Variants in RNF19A observed in about 807,000 individuals in gnomAD.
RNF19A encodes E3 ubiquitin-protein ligase RNF19A.
Under a neutral mutation model 75.7 loss-of-function variants are expected in RNF19A, and 32 were observed. The ratio of observed to expected loss-of-function variants is 0.42; its 90% confidence interval spans 0.32 to 0.57. The LOEUF (loss-of-function observed/expected upper bound fraction) is 0.57, where lower values mean the gene tolerates loss of function less well. Ranked by LOEUF, RNF19A falls within the 20% of genes least tolerant of loss-of-function variation. The pLI is 0.10. For synonymous variants in RNF19A, 335 were observed against 345.2 expected (o/e 0.97, Z 0.33); for missense variants, 782 against 1,036.3 (o/e 0.75, Z 3.37).
chr8:100,294,960 G>A (rs970244550), intron 1 of RNF19A, among the ~76,000 whole-genome samples: 2 of 152,124 alleles, frequency 1.3e-5, no homozygotes, highest in African/African-American at 2.4e-5. Context: ...ACCTGTATAA[G>A]TATTAATTCA....
Position 100,275,088 on chromosome 8 carries a change from ACT to A in RNF19A, c.746_747del (p.Glu249ValfsTer6), listed in dbSNP as rs749987390. On this transcript the variant is annotated frameshift_variant, in exon 3 of 10. Transcript: ENST00000341084. LOFTEE classifies it high-confidence loss of function. This position sits in a 1 kb window ranked among gnomAD's most constrained non-coding sequence, Gnocchi z 4.3. ...LTCGREGCGTEFCYHCKQIWH... is the reference protein window; with the variant it reads ...LTCGREGCGTXFCYHCKQIWH... ...CAAATCTGTTTACAGTGGTAGCAAA[ACT>A]CTGTTCCACAGCCCTCTCGCCCACA... The A allele has an allele frequency of 6.2e-7, 1 of 1,614,052 alleles. No homozygotes were observed. Among genetic ancestry groups the A allele is most frequent in the Non-Finnish European group, 8.5e-7 (1 of 1,180,002 alleles).
At chr8:100,281,177 G>C (rs920179253) in intron 2 of RNF19A, among the ~76,000 whole-genome samples, 12 of 152,148 alleles carry the variant, frequency 7.9e-5, no homozygotes, top group African/African-American at 2.9e-4. Flanking sequence ...CTTAACCTAG[G>C]AGTGGATGGA....
chr8:100,301,060 A>C (rs567798449), intron 1 of RNF19A, among the ~76,000 whole-genome samples: 1 of 152,364 alleles, frequency 6.6e-6, no homozygotes, highest in East Asian at 1.9e-4. Flanking sequence ...ATTTAGAGCT[A>C]GTAGGTTCGA....
intron 1 of RNF19A, among the ~76,000 whole-genome samples, chr8:100,293,089 T>C (rs765962083): frequency 2.6e-5 from 4 of 152,224 alleles, no homozygotes; most frequent in Admixed American, 2.0e-4. Flanking sequence ...GAAATCATTG[T>C]TGCCACTGAT....
rs1820861073 is a variant in RNF19A at position 100,283,175 on chromosome 8, C to T, written c.674+4326G>A. On this transcript the variant is annotated intron_variant, in intron 2 of 9. Transcript: ENST00000341084. ...AAGCTCCCCAGCAAAGTCAGAAGAA[C>T]TCACATGGGATGACAGGGATAATGT... Among the ~76,000 whole-genome samples the T allele has an allele frequency of 4.8e-5, 7 of 147,078 alleles. No homozygotes were observed. The South Asian group carries it at 1.5e-3, about 32-fold the overall frequency.
chr8:100,327,880 C>T (rs1822556084), intron 1 of RNF19A, among the ~76,000 whole-genome samples: 1 of 152,222 alleles, frequency 6.6e-6, no homozygotes, highest in Admixed American at 6.5e-5. Flanking sequence ...TCAAGAAGCA[C>T]AAATATATCA....
chr8:100,317,106 A>C lies in RNF19A; in HGVS notation c.-242-3734T>G, dbSNP rs1406555474. On this transcript the variant is annotated intron_variant, in intron 1 of 3. Transcript: ENST00000519527. This position sits in a 1 kb window ranked among gnomAD's most constrained non-coding sequence, Gnocchi z 4.3. The stretch of plus-strand genomic sequence containing the variant: ...CAAGCCCACGCCCACGCCCACCCGG[A>C]ACTCCAGCTGGCCCGCAAGCGCCGC... 9.6e-6 allele frequency among the ~76,000 whole-genome samples: 1 copy of C among 104,576 alleles called. No homozygotes were observed. Among genetic ancestry groups the C allele is most frequent in the Non-Finnish European group, 2.4e-5 (1 of 42,538 alleles). The allele number at this position is 104,576 out of a possible 152,430, so 68.6% of individuals were successfully genotyped here. A position where few individuals can be genotyped will look rare whatever the true frequency, so the allele number is the denominator to read the frequency against.
chr8:100,314,614 C>T (rs1822347019), upstream of RNF19A, among the ~76,000 whole-genome samples: 1 of 152,100 alleles, frequency 6.6e-6, no homozygotes. The surrounding 1 kb of genome is among the most constrained non-coding windows in gnomAD (Gnocchi z 4.1). Flanking sequence ...CTCACACACC[C>T]TGCTAACTTT....
At chr8:100,280,367 G>T (rs1820724966) in intron 2 of RNF19A, among the ~76,000 whole-genome samples, 1 of 152,180 alleles carries the variant, frequency 6.6e-6, no homozygotes, top group Admixed American at 6.5e-5. Context: ...TGTCTGTGAA[G>T]AGAGATGAGG....
intron 3 of RNF19A, among the ~76,000 whole-genome samples, chr8:100,273,904 C>G (rs1229741410): frequency 1.3e-5 from 2 of 152,116 alleles, no homozygotes; most frequent in Admixed American, 1.3e-4. Flanking sequence ...TGCCTCACCT[C>G]CCGAGTAGCT....
rs1484899340 is a variant in RNF19A at position 100,268,837 on chromosome 8, C to T, written c.1139G>A (p.Gly380Asp). ...GAPVGIALIA[G>D]IAIPAMIIGI... ...AATAATCATTGCAGGAATAGCAATG[C>T]CAGCTATTAAAGCGATTCCGACAGG... The change falls in exon 5 of 10, where the codon GGC becomes GAC. Residue 380 changes from glycine (G) to aspartate (D), a missense_variant. This residue lies in a region of RNF19A where 41 missense variants were observed against 75.9 expected (regional missense o/e 0.54). Transcript: ENST00000341084. 6.3e-6 allele frequency: 10 copies of T among 1,599,260 alleles called. No individual in the cohort carries two copies. The highest frequency in any genetic ancestry group is 8.5e-6 in the Non-Finnish European group (10 of 1,171,186).
At chr8:100,279,532 C>T (rs1820682905) in intron 2 of RNF19A, among the ~76,000 whole-genome samples, 1 of 151,962 alleles carries the variant, frequency 6.6e-6, no homozygotes, top group African/African-American at 2.4e-5. Context: ...AGCCACCAGA[C>T]CTGGCCAATT....
rs1819527068 is a variant in RNF19A, at chr8:100,257,832, T to C, written c.*724A>G. 2 of 391,594 alleles carry C rather than the reference T, an allele frequency of 5.1e-6. No individual in the cohort carries two copies. Among genetic ancestry groups the C allele is most frequent in the Non-Finnish European group, 9.0e-6 (2 of 221,890 alleles). 24.3% of individuals were successfully genotyped at this position (391,594 alleles called of 1,614,324 possible). ...GTAATACTTATAACCTAATGGGACT[T>C]TATTTTGTAGTTTTATGTATCTTAT... On this transcript the variant is annotated 3_prime_UTR_variant, in exon 10 of 10. Coordinates refer to ENST00000341084, the MANE Select transcript of RNF19A (RefSeq NM_183419.4).
chr8:100,310,660 T>C (rs1056277008), upstream of RNF19A, among the ~76,000 whole-genome samples: 32 of 152,354 alleles, frequency 2.1e-4, no homozygotes, highest in African/African-American at 7.2e-4. Context: ...GCCCTCTTAG[T>C]GCACCTGTCT....
At chr8:100,328,957 C>T (rs1303719070) in intron 1 of RNF19A, among the ~76,000 whole-genome samples, 5 of 152,230 alleles carry the variant, frequency 3.3e-5, no homozygotes, top group East Asian at 1.9e-4. Context: ...CTAAGGATAC[C>T]GAGGTGGATC....
intron 3 of RNF19A, among the ~76,000 whole-genome samples, chr8:100,273,672 T>C (rs1820364667): frequency 6.6e-6 from 1 of 152,250 alleles, no homozygotes; most frequent in South Asian, 2.1e-4. Context: ...AGAAAGTGAC[T>C]GTGGTTTCTC....
chr8:100,269,064 C>T lies in RNF19A; in HGVS notation c.1029-117G>A. 1.5e-6 allele frequency: 1 copy of T among 679,288 alleles called. No individual in the cohort carries two copies. Among genetic ancestry groups the T allele is most frequent in the Non-Finnish European group, 2.2e-6 (1 of 452,838 alleles). The allele number at this position is 679,288 out of a possible 1,614,324, so 42.1% of individuals were successfully genotyped here. A position where few individuals can be genotyped will look rare whatever the true frequency, so the allele number is the denominator to read the frequency against. On this transcript the variant is annotated intron_variant, in intron 4 of 9. Transcript: ENST00000341084. The surrounding 1 kb of genome is among the most constrained non-coding windows in gnomAD (Gnocchi z 5.7). ...ACTTCTCATAGTTAGGAGCTTTTTTCCCCTTTAAATTCTGAGTTCATTAAA... is the reference window on the plus strand; with the variant it reads ...ACTTCTCATAGTTAGGAGCTTTTTTTCCCTTTAAATTCTGAGTTCATTAAA...
At chr8:100,313,326 T>G (rs1822328027), upstream of RNF19A, 1 of 984,612 alleles carries the variant, frequency 1.0e-6, no homozygotes, top group African/African-American at 1.7e-5. Flanking sequence ...GTAACTTAGT[T>G]TGGTCTCTCA....
In RNF19A at chr8:100,275,173, A is replaced by G; in HGVS notation, c.675-12T>C. On this transcript the variant is annotated splice_polypyrimidine_tract_variant and intron_variant, in intron 2 of 9. Coordinates refer to ENST00000341084, the MANE Select transcript of RNF19A (RefSeq NM_183419.4). This position sits in a 1 kb window ranked among gnomAD's most constrained non-coding sequence, Gnocchi z 4.3. ...CTATCACAGCATATCTTGAAAGAAC[A>G]AGAAAAATGATTTAAAATGTGACAT... 1 of 1,609,434 alleles carries G rather than the reference A, an allele frequency of 6.2e-7. No homozygotes were observed. Among genetic ancestry groups the G allele is most frequent in the South Asian group, 1.1e-5 (1 of 90,800 alleles).
Sources: allele counts gnomAD v4.1 joint callset (sites outside exome capture counted in the v4.1 genomes callset), GRCh38; gene constraint gnomAD v4.1.1; regional missense constraint gnomAD v4.1.1; non-coding constraint Gnocchi (gnomAD v3.1); transcripts MANE v1.5; gene names NCBI Gene and HGNC (gene_info 2026-07-23, HGNC 2026-07-21).